Variants in NUDCD1 observed in about 807,000 individuals in gnomAD.
NUDCD1 encodes the protein nudC domain-containing protein 1.
Under a neutral mutation model 67.8 loss-of-function variants are expected in NUDCD1, and 60 were observed. The observed-to-expected ratio is 0.88, with a 90% CI of 0.72 to 1.10. The LOEUF (loss-of-function observed/expected upper bound fraction) is 1.10, where lower values mean the gene tolerates loss of function less well. Among genes scored for constraint, NUDCD1 ranks in the 50% least tolerant of loss-of-function variants. The probability of loss-of-function intolerance (pLI) is 0.00; values close to 1 mark genes in which losing one functional copy is unlikely to be tolerated. For missense variants in NUDCD1, 643 were observed against 695.0 expected, an observed-to-expected ratio of 0.93 and a Z score of 0.84; for synonymous variants, 244 against 230.8, an observed-to-expected ratio of 1.06 and a Z score of -0.52.
intron 6 of NUDCD1, among the ~76,000 whole-genome samples, chr8:109,276,335 T>C (rs979187024): frequency 1.3e-5 from 2 of 152,196 alleles, no homozygotes; most frequent in Admixed American, 6.5e-5. Context: ...CACCCACTGC[T>C]ATAACAGAAA....
intron 2 of NUDCD1, chr8:109,298,681 A>G (rs1003472402): frequency 3.3e-5 from 5 of 152,224 alleles, no homozygotes; most frequent in Non-Finnish European, 7.3e-5. Context: ...AACATAAAAA[A>G]AGCCCTTAAA....
intron 1 of NUDCD1, among the ~76,000 whole-genome samples, chr8:109,325,638 T>C (rs922112357): frequency 6.6e-6 from 1 of 152,208 alleles, no homozygotes; most frequent in Non-Finnish European, 1.5e-5. Flanking sequence ...CTGGCCGAAA[T>C]GCAGAGCAAC....
At chr8:109,258,253 C>A (rs185724196) in intron 8 of NUDCD1, among the ~76,000 whole-genome samples, 579 of 152,182 alleles carry the variant, frequency 3.8e-3, no homozygotes, top group Middle Eastern at 6.8e-3. Context: ...ATCTAACAGA[C>A]CCAGTGCCAT....
chr8:109,244,574 A>G (rs529158840), intron 9 of NUDCD1, among the ~76,000 whole-genome samples: 3 of 152,254 alleles, frequency 2.0e-5, no homozygotes, highest in Non-Finnish European at 4.4e-5. Context: ...TAATTAATAA[A>G]TTTCTTCTAC....
intron 8 of NUDCD1, among the ~76,000 whole-genome samples, chr8:109,257,098 G>A (rs1443611308): frequency 6.6e-6 from 1 of 152,068 alleles, no homozygotes; most frequent in African/African-American, 2.4e-5. Flanking sequence ...AACAGGACAA[G>A]AATTCCTATT....
intron 9 of NUDCD1, among the ~76,000 whole-genome samples, chr8:109,244,293 A>G (rs1813445242): frequency 1.3e-5 from 2 of 152,126 alleles, no homozygotes; most frequent in South Asian, 4.1e-4. Flanking sequence ...TCAAGAGTAC[A>G]TATCTAATAT....
chr8:109,278,726 C>T (rs972083071), intron 6 of NUDCD1, among the ~76,000 whole-genome samples: 2 of 152,122 alleles, frequency 1.3e-5, no homozygotes, highest in Non-Finnish European at 2.9e-5. Flanking sequence ...TTATTTATTG[C>T]TAGCACTTTA....
At chr8:109,280,296 T>A (rs75559773) in intron 6 of NUDCD1, among the ~76,000 whole-genome samples, 3,702 of 152,288 alleles carry the variant, frequency 0.024, 140 homozygotes, top group African/African-American at 0.084. Flanking sequence ...TATAATTGTG[T>A]AAAGTATGTG....
intron 1 of NUDCD1, among the ~76,000 whole-genome samples, chr8:109,333,111 A>C (rs1437318463): frequency 6.6e-6 from 1 of 152,216 alleles, no homozygotes; most frequent in Non-Finnish European, 1.5e-5. Context: ...GAATTTAATA[A>C]ATCAATTAGC....
intron 8 of NUDCD1, among the ~76,000 whole-genome samples, chr8:109,268,170 G>A (rs1814048067): frequency 6.6e-6 from 1 of 152,178 alleles, no homozygotes; most frequent in Admixed American, 6.5e-5. Flanking sequence ...ACACTGAGAA[G>A]ATCCACTGCT....
intron 2 of NUDCD1, among the ~76,000 whole-genome samples, chr8:109,320,617 T>C (rs563829751): frequency 6.6e-6 from 1 of 152,300 alleles, no homozygotes; most frequent in African/African-American, 2.4e-5. Context: ...CCTCCTCAGC[T>C]GACAGGATTA....
intron 8 of NUDCD1, among the ~76,000 whole-genome samples, chr8:109,255,133 T>C (rs1813700373): frequency 6.6e-6 from 1 of 152,190 alleles, no homozygotes; most frequent in Non-Finnish European, 1.5e-5. Flanking sequence ...ACCTGCATGT[T>C]CTCCCAAAGT....
chr8:109,266,502 C>T (rs1814002672), intron 8 of NUDCD1, among the ~76,000 whole-genome samples: 1 of 151,278 alleles, frequency 6.6e-6, no homozygotes, highest in South Asian at 2.1e-4. Context: ...CCTCGGCCTC[C>T]CAAAGTGCTG....
At chr8:109,264,896 AAT>A (rs1458331283) in intron 8 of NUDCD1, among the ~76,000 whole-genome samples, 1 of 151,802 alleles carries the variant, frequency 6.6e-6, no homozygotes, top group Non-Finnish European at 1.5e-5. Context: ...TTCATTAGAA[AAT>A]ATTATTTATG....
chr8:109,249,879 T>G (rs1813583961), intron 8 of NUDCD1, among the ~76,000 whole-genome samples: 1 of 145,290 alleles, frequency 6.9e-6, no homozygotes, highest in African/African-American at 2.5e-5. Flanking sequence ...GGGGTCTCAC[T>G]CTGTCACCCA....
intron 2 of NUDCD1, among the ~76,000 whole-genome samples, chr8:109,313,273 C>T (rs925762123): frequency 6.6e-6 from 1 of 152,146 alleles, no homozygotes; most frequent in Non-Finnish European, 1.5e-5. Context: ...AACTATGGAG[C>T]ATCCACCCTA....
At position 109,281,084 on chromosome 8, in the gene NUDCD1, T is replaced by C. The variant is rs1404059813; in HGVS notation, c.912A>G (p.Ile304Met). 6.2e-7 allele frequency: 1 copy of C among 1,613,176 alleles called. No individual in the cohort carries two copies. The highest frequency in any genetic ancestry group is 1.1e-5 in the South Asian group (1 of 91,060). ...PEDSTKEDIQIQFLPDHINIV... is the reference protein window; with the variant it reads ...PEDSTKEDIQMQFLPDHINIV... ...TGTTGATGTGATCAGGCAAAAACTG[T>C]ATTTGAATGTCCTCCTTAGTACTGT... is the stretch of plus-strand genomic sequence containing the variant. The change falls in exon 6 of 10, where the codon ATA becomes ATG. Residue 304 changes from isoleucine (I) to methionine (M), a missense_variant. Physicochemically the swap from Ile to Met is conservative, Grantham distance 10 (BLOSUM62 1). Transcript: ENST00000239690.
chr8:109,299,668 C>T (rs1458966289), intron 2 of NUDCD1, among the ~76,000 whole-genome samples: 2 of 152,176 alleles, frequency 1.3e-5, no homozygotes, highest in African/African-American at 4.8e-5. Context: ...TCCCTACCCA[C>T]CTTGGGAACT....
At chr8:109,280,647 AG>A (rs1392227712) in intron 6 of NUDCD1, among the ~76,000 whole-genome samples, 1 of 152,206 alleles carries the variant, frequency 6.6e-6, no homozygotes, top group Non-Finnish European at 1.5e-5. Flanking sequence ...AGCAAACTAA[AG>A]TTAAAAAAAT....
Sources: allele counts gnomAD v4.1 joint callset (sites outside exome capture counted in the v4.1 genomes callset), GRCh38; gene constraint gnomAD v4.1.1; transcripts MANE v1.5; gene names NCBI Gene and HGNC (gene_info 2026-07-23, HGNC 2026-07-21).